The following PRRX2 variants were observed in gnomAD, a reference collection of about 807,000 sequenced individuals.
The protein encoded by PRRX2 is paired mesoderm homeobox protein 2.
Under a neutral mutation model 18.0 loss-of-function variants are expected in PRRX2, and 11 were observed. That is an observed-to-expected ratio of 0.61 (90% CI 0.39 to 1.01). The LOEUF is 1.01. Among genes scored for constraint, PRRX2 ranks in the 50% least tolerant of loss-of-function variants. The pLI is 0.01. For synonymous variants in PRRX2, 177 were observed against 154.8 expected (o/e 1.14, Z -1.06); for missense variants, 387 against 351.0 (o/e 1.10, Z -0.82).
intron 1 of PRRX2, among the ~76,000 whole-genome samples, chr9:129,704,745 C>T (rs12683018): frequency 0.14 from 21,665 of 152,116 alleles, 2,061 homozygotes; most frequent in East Asian, 0.36. Context: ...GTCCTCGAGA[C>T]GACAAGAATG....
chr9:129,707,713 C>T lies in PRRX2; in HGVS notation c.260-11518C>T, dbSNP rs543754439. 2.6e-5 allele frequency among the ~76,000 whole-genome samples: 4 copies of T among 151,902 alleles called. No homozygotes were observed. The East Asian group carries it at 7.8e-4, about 30-fold the overall frequency. ...GGCTGAGGCAGGAGAATTGCTTGAA[C>T]CCAGGAGGAGGAGGTTGCAGTGAGC... On this transcript the variant is annotated intron_variant, in intron 1 of 3. Coordinates refer to ENST00000372469, the MANE Select transcript of PRRX2 (RefSeq NM_016307.4).
chr9:129,711,399 CTTTTTTTTTTTTT>C (rs897807963), intron 1 of PRRX2, among the ~76,000 whole-genome samples: 10 of 85,026 alleles, frequency 1.2e-4, no homozygotes, highest in Non-Finnish European at 1.6e-4. Context: ...GTGAGATTCT[CTTTTTTTTTTTTT>C]TTTTTTTTTT....
chr9:129,682,302 G>T (rs1832242577), intron 1 of PRRX2, among the ~76,000 whole-genome samples: 1 of 146,378 alleles, frequency 6.8e-6, no homozygotes. Context: ...TCCTGGCACA[G>T]ATGTCCCCGC....
intron 1 of PRRX2, among the ~76,000 whole-genome samples, chr9:129,684,698 A>G (rs1479745939): frequency 6.6e-6 from 1 of 152,004 alleles, no homozygotes; most frequent in Non-Finnish European, 1.5e-5. Flanking sequence ...GGGACGGGGA[A>G]TGTAGGGAGG....
At chr9:129,669,772 GGCCTGAGTTAAGA>G (rs1832077435) in intron 1 of PRRX2, among the ~76,000 whole-genome samples, 1 of 152,070 alleles carries the variant, frequency 6.6e-6, no homozygotes, top group African/African-American at 2.4e-5. Flanking sequence ...CTCAGCTCAG[GGCCTGAGTTAAGA>G]GACTGAGTTA....
intron 1 of PRRX2, among the ~76,000 whole-genome samples, chr9:129,712,646 A>G (rs1335943305): frequency 6.6e-6 from 1 of 152,204 alleles, no homozygotes. Context: ...AGGAGGAGAC[A>G]GCGCGAGACA....
intron 1 of PRRX2, among the ~76,000 whole-genome samples, chr9:129,669,543 C>T (rs543221473): frequency 8.5e-5 from 13 of 152,230 alleles, no homozygotes; most frequent in Admixed American, 2.0e-4. Flanking sequence ...GAAGGCTGGG[C>T]GGCCAGTGCT....
chr9:129,704,446 G>T (rs1015324643), intron 1 of PRRX2, among the ~76,000 whole-genome samples: 10 of 152,140 alleles, frequency 6.6e-5, no homozygotes, highest in African/African-American at 2.4e-4. Context: ...AGATGCTCAG[G>T]GCAGGCAGGC....
intron 1 of PRRX2, among the ~76,000 whole-genome samples, chr9:129,670,398 G>A (rs1187307772): frequency 6.6e-6 from 1 of 151,798 alleles, no homozygotes; most frequent in South Asian, 2.1e-4. Context: ...AGTTTTTCAC[G>A]GAGTCTTGCT....
intron 1 of PRRX2, among the ~76,000 whole-genome samples, chr9:129,714,717 G>A (rs1176577415): frequency 1.3e-5 from 2 of 152,152 alleles, no homozygotes; most frequent in Admixed American, 1.3e-4. Context: ...CTGTTTCTTC[G>A]GGCGCTTACT....
At chr9:129,684,681 C>T (rs1200593474) in intron 1 of PRRX2, among the ~76,000 whole-genome samples, 1 of 152,126 alleles carries the variant, frequency 6.6e-6, no homozygotes, top group Non-Finnish European at 1.5e-5. Flanking sequence ...GCCTCAGTGG[C>T]ACCTCTGGGA....
At chr9:129,716,438 A>G (rs1457587904) in intron 1 of PRRX2, among the ~76,000 whole-genome samples, 1 of 150,226 alleles carries the variant, frequency 6.7e-6, no homozygotes, top group Non-Finnish European at 1.5e-5. Context: ...TGAACAGTAC[A>G]TACTATGCTT....
At chr9:129,685,232 C>A (rs1034671403) in intron 1 of PRRX2, among the ~76,000 whole-genome samples, 1 of 152,244 alleles carries the variant, frequency 6.6e-6, no homozygotes, top group East Asian at 1.9e-4. Flanking sequence ...GGCCCCCTAC[C>A]AGTAGCAGCA....
At position 129,674,028 on chromosome 9, in the gene PRRX2, G is replaced by A. The variant is rs115055737; in HGVS notation, c.259+7902G>A. ...GGAAGAGGCAGAGCTGGCCACGGCTGCCCCTCCCAAGGAGCATGGCTTACC... is the reference window on the plus strand; with the variant it reads ...GGAAGAGGCAGAGCTGGCCACGGCTACCCCTCCCAAGGAGCATGGCTTACC... On this transcript the variant is annotated intron_variant, in intron 1 of 3. Transcript: ENST00000372469. Among the ~76,000 whole-genome samples the A allele has an allele frequency of 4.9e-3, 745 of 152,216 alleles. 15 individuals carry two copies. The highest frequency in any genetic ancestry group is 0.017 in the African/African-American group (716 of 41,516).
intron 1 of PRRX2, among the ~76,000 whole-genome samples, chr9:129,717,856 T>A (rs1195646929): frequency 1.3e-5 from 2 of 152,098 alleles, no homozygotes; most frequent in Non-Finnish European, 2.9e-5. Context: ...TACACATTTT[T>A]AATGAGAAAA....
chr9:129,680,474 C>A (rs1007610687), intron 1 of PRRX2, among the ~76,000 whole-genome samples: 3 of 129,758 alleles, frequency 2.3e-5, no homozygotes, highest in East Asian at 2.8e-4. Flanking sequence ...TCCCACCCCC[C>A]CCACCCGCCC....
intron 1 of PRRX2, 104 bp from the exon 2 acceptor site, chr9:129,719,127 C>A (rs1832751515): frequency 9.0e-7 from 1 of 1,113,486 alleles, no homozygotes. Context: ...GCATTCCTGG[C>A]GGCGGCACTA....
chr9:129,710,832 G>A (rs1396990603), intron 1 of PRRX2, among the ~76,000 whole-genome samples: 3 of 152,080 alleles, frequency 2.0e-5, no homozygotes, highest in African/African-American at 7.2e-5. Context: ...TAGAAGCCCC[G>A]GGATCCTTCT....
chr9:129,698,785 G>C (rs79615009), intron 1 of PRRX2, among the ~76,000 whole-genome samples: 4 of 152,194 alleles, frequency 2.6e-5, no homozygotes, highest in Admixed American at 2.0e-4. Flanking sequence ...CAGGCTCAAA[G>C]TCACAGAGCT....
Sources: gnomAD v4.1 joint callset for allele counts (sites outside exome capture counted in the v4.1 genomes callset) on GRCh38, gnomAD v4.1.1 for gene constraint, MANE v1.5 for transcripts, NCBI Gene and HGNC (gene_info 2026-07-23, HGNC 2026-07-21) for gene names.